The following ADGRL2 variants were observed in gnomAD, a reference collection of about 807,000 sequenced individuals.
ADGRL2 encodes the protein calcium-independent alpha-latrotoxin receptor 2.
In ADGRL2, 44 loss-of-function variants were observed where a neutral mutation model predicts 157.4. The ratio of observed to expected loss-of-function variants is 0.28; its 90% confidence interval spans 0.22 to 0.36. The LOEUF is 0.36. ADGRL2 is among the 10% of genes least tolerant of loss of function. The probability of loss-of-function intolerance (pLI) is 1.00; values close to 1 mark genes in which losing one functional copy is unlikely to be tolerated. For synonymous variants in ADGRL2, 585 were observed against 624.7 expected, an observed-to-expected ratio of 0.94 and a Z score of 0.95; for missense variants, 1,510 against 1,768.9, an observed-to-expected ratio of 0.85 and a Z score of 2.63.
At chr1:81,921,139 C>T (rs913384309) in intron 3 of ADGRL2, among the ~76,000 whole-genome samples, 6 of 152,036 alleles carry the variant, frequency 3.9e-5, no homozygotes, top group Non-Finnish European at 8.8e-5. Context: ...GTTTAAGGGT[C>T]AAAGATAAGA....
chr1:81,653,858 C>G (rs553681275), intron 3 of ADGRL2, among the ~76,000 whole-genome samples: 19 of 152,116 alleles, frequency 1.2e-4, no homozygotes, highest in Admixed American at 2.0e-4. Flanking sequence ...CTAAATGACT[C>G]GTCATCATCT....
chr1:81,698,207 T>C (rs970176688), upstream of ADGRL2, among the ~76,000 whole-genome samples: 2 of 152,146 alleles, frequency 1.3e-5, no homozygotes, highest in Non-Finnish European at 2.9e-5. Context: ...TTCAGGAAGG[T>C]ATTGGTCAAA....
chr1:81,776,454 T>C lies in ADGRL2; in HGVS notation c.-101+14602T>C, dbSNP rs189050525. Among the ~76,000 whole-genome samples the C allele has an allele frequency of 7.0e-4, 107 of 152,340 alleles. 2 individuals carry two copies. The South Asian group carries it at 0.022, about 31-fold the overall frequency. ...TGCCCGCCTCGGCCTCCCAAAGTGC[T>C]GGGATTATAGGCATGAGCCACCACG... is the stretch of plus-strand genomic sequence containing the variant. On this transcript the variant is annotated intron_variant, in intron 2 of 20. Transcript: ENST00000359929.
chr1:81,338,165 C>T (rs143399031), intron 1 of ADGRL2, among the ~76,000 whole-genome samples: 1 of 152,134 alleles, frequency 6.6e-6, no homozygotes, highest in East Asian at 1.9e-4. Context: ...AAGTTCGCGA[C>T]CAGCCTGGAC....
rs146384906 is a variant in ADGRL2, at chr1:81,326,146, G to C, written c.-302+19637G>C. On this transcript the variant is annotated intron_variant, in intron 1 of 24. Transcript: ENST00000370721. ...GAGAAAGAATCAGCCACACAACTAA[G>C]CATCCCATGATAGATACTGTGCTTA... 1.2e-3 allele frequency among the ~76,000 whole-genome samples: 187 copies of C among 152,270 alleles called. 4 individuals are homozygous for C. In the East Asian group the frequency reaches 0.033, roughly 27 times the overall value.
intron 2 of ADGRL2, among the ~76,000 whole-genome samples, chr1:81,863,633 T>C: frequency 6.6e-6 from 1 of 152,160 alleles, no homozygotes; most frequent in East Asian, 1.9e-4. Flanking sequence ...GCTATTTAAA[T>C]TTGATTTAGT....
At chr1:81,910,237 T>C (rs1481626441) in intron 3 of ADGRL2, among the ~76,000 whole-genome samples, 1 of 70,698 alleles carries the variant, frequency 1.4e-5, no homozygotes, top group African/African-American at 5.8e-5. Flanking sequence ...AGACTCTGCC[T>C]AAAAAACAAT....
At chr1:81,865,371 A>C (rs2093510328) in intron 2 of ADGRL2, among the ~76,000 whole-genome samples, 1 of 152,206 alleles carries the variant, frequency 6.6e-6, no homozygotes, top group Non-Finnish European at 1.5e-5. Flanking sequence ...GTATTTTAGC[A>C]GCTTTCACTA....
At chr1:81,859,117 T>A (rs1016475752) in intron 2 of ADGRL2, among the ~76,000 whole-genome samples, 12 of 150,920 alleles carry the variant, frequency 8.0e-5, no homozygotes, top group African/African-American at 2.9e-4. Flanking sequence ...TTGAAAATAA[T>A]GGACAGTTTA....
chr1:81,703,556 G>T (rs1362623405), intron 1 of ADGRL2, among the ~76,000 whole-genome samples: 1 of 152,110 alleles, frequency 6.6e-6, no homozygotes, highest in African/African-American at 2.4e-5. Context: ...TGTGGACATT[G>T]GTGAGATCAT....
chr1:81,828,920 AT>A (rs1033352363), intron 1 of ADGRL2, among the ~76,000 whole-genome samples: 2 of 141,310 alleles, frequency 1.4e-5, no homozygotes, highest in Non-Finnish European at 3.1e-5. Flanking sequence ...TTTTTTTTTC[AT>A]TTTTTTTGGG....
intron 3 of ADGRL2, among the ~76,000 whole-genome samples, chr1:81,644,911 C>T (rs1195332750): frequency 1.3e-5 from 2 of 152,172 alleles, no homozygotes; most frequent in African/African-American, 4.8e-5. Flanking sequence ...ACTTAGACCC[C>T]TTGTAGCTCT....
intron 2 of ADGRL2, among the ~76,000 whole-genome samples, chr1:81,852,689 C>T (rs888537784): frequency 6.6e-6 from 1 of 151,938 alleles, no homozygotes. Context: ...GCCATGCTGC[C>T]TCTAGCTGTG....
intron 2 of ADGRL2, among the ~76,000 whole-genome samples, chr1:81,547,567 A>G (rs1262658519): frequency 2.0e-5 from 3 of 152,200 alleles, no homozygotes; most frequent in Admixed American, 1.3e-4. Context: ...TTGTTATTTC[A>G]TTTAAGACTC....
chr1:81,845,920 G>T (rs532270203), intron 2 of ADGRL2, among the ~76,000 whole-genome samples: 6 of 151,512 alleles, frequency 4.0e-5, no homozygotes, highest in Admixed American at 1.3e-4. Flanking sequence ...ATTTTCTTTT[G>T]TGAGACCTTC....
At chr1:81,966,994 A>C (rs572456026) in intron 13 of ADGRL2, among the ~76,000 whole-genome samples, 1 of 152,246 alleles carries the variant, frequency 6.6e-6, no homozygotes, top group East Asian at 1.9e-4. Context: ...AATTTTTTTC[A>C]TTAGTTTACT....
intron 1 of ADGRL2, among the ~76,000 whole-genome samples, chr1:81,819,602 G>A (rs2090776638): frequency 6.6e-6 from 1 of 152,054 alleles, no homozygotes; most frequent in Non-Finnish European, 1.5e-5. Context: ...CTCACATAAA[G>A]TGAAAATTTT....
chr1:81,349,631 TACACAC>T lies in ADGRL2; in HGVS notation c.-302+43150_-302+43155del, dbSNP rs36213279. ...GATGATAAAGACCTGTGTTGTGAGCTACACACACACACACACACACACACACACACA... is the reference window on the plus strand; with the variant it reads ...GATGATAAAGACCTGTGTTGTGAGCTACACACACACACACACACACACACA... On this transcript the variant is annotated intron_variant, in intron 1 of 24. Coordinates refer to the ADGRL2 transcript ENST00000370721. Among the ~76,000 whole-genome samples, 667 of 142,836 alleles carry T rather than the reference TACACAC, an allele frequency of 4.7e-3. 5 individuals carry two copies. The highest frequency in any genetic ancestry group is 0.023 in the East Asian group (103 of 4,562). 93.7% of individuals were successfully genotyped at this position (142,836 alleles called of 152,430 possible). A position where few individuals can be genotyped will look rare whatever the true frequency, so the allele number is the denominator to read the frequency against.
chr1:81,579,094 G>A (rs906642909), intron 2 of ADGRL2, among the ~76,000 whole-genome samples: 1 of 152,100 alleles, frequency 6.6e-6, no homozygotes, highest in Non-Finnish European at 1.5e-5. Context: ...AGTTCATTCT[G>A]CAATGGGAAG....
Sources: allele counts gnomAD v4.1 joint callset (sites outside exome capture counted in the v4.1 genomes callset), GRCh38; gene constraint gnomAD v4.1.1; transcripts MANE v1.5; gene names NCBI Gene and HGNC (gene_info 2026-07-23, HGNC 2026-07-21).